Variants in TBC1D22A observed in about 807,000 individuals in gnomAD.
TBC1D22A encodes the protein TBC1 domain family member 22A, also known as putative GTPase activator.
In TBC1D22A, 38 loss-of-function variants were observed where a neutral mutation model predicts 60.2. The ratio of observed to expected loss-of-function variants is 0.63; its 90% CI spans 0.49 to 0.83. The LOEUF (loss-of-function observed/expected upper bound fraction) is 0.83, where lower values mean the gene tolerates loss of function less well. Among genes scored for constraint, TBC1D22A ranks in the 40% least tolerant of loss-of-function variants. TBC1D22A has a pLI of 0.00. For synonymous variants in TBC1D22A, 302 were observed against 281.7 expected, an observed-to-expected ratio of 1.07 and a Z score of -0.72; for missense variants, 628 against 701.0, an observed-to-expected ratio of 0.90 and a Z score of 1.18.
chr22:47,172,055 GCCTA>G (rs2068497217), intron 12 of TBC1D22A, among the ~76,000 whole-genome samples: 2 of 145,086 alleles, frequency 1.4e-5, no homozygotes, highest in East Asian at 6.0e-4. Flanking sequence ...CTCCCAGTGA[GCCTA>G]CCCAGCACTC....
chr22:47,006,158 G>A (rs191830890), intron 10 of TBC1D22A, among the ~76,000 whole-genome samples: 2 of 152,308 alleles, frequency 1.3e-5, no homozygotes, highest in Admixed American at 1.3e-4. Flanking sequence ...TGTTGTTGCT[G>A]GTCGCACATT....
chr22:47,129,543 A>T (rs185063373), intron 12 of TBC1D22A, among the ~76,000 whole-genome samples: 10 of 152,360 alleles, frequency 6.6e-5, no homozygotes, highest in South Asian at 2.1e-4. Context: ...GCACTCACGA[A>T]GTGGGTGGTG....
chr22:46,811,250 G>T (rs2147033769), intron 4 of TBC1D22A, among the ~76,000 whole-genome samples: 1 of 152,364 alleles, frequency 6.6e-6, no homozygotes, highest in East Asian at 1.9e-4. Flanking sequence ...GTAAGGAGCT[G>T]TCAGGGACAG....
rs561304073 is a variant in TBC1D22A at position 46,939,810 on chromosome 22, G to A, written c.1015+27622G>A. 5.1e-4 allele frequency among the ~76,000 whole-genome samples: 78 copies of A among 152,300 alleles called. 3 individuals carry two copies. The highest frequency in any genetic ancestry group is 2.7e-3 in the Admixed American group (41 of 15,294). On this transcript the variant is annotated intron_variant, in intron 8 of 12. Coordinates refer to ENST00000337137, the MANE Select transcript of TBC1D22A (RefSeq NM_014346.5). ...ATTTGACATTTAGAATCACCGTTGC[G>A]TTTCAACAACATCAGTGCAAGAAGA...
chr22:46,898,668 G>A (rs966899465), intron 7 of TBC1D22A, among the ~76,000 whole-genome samples: 2 of 152,120 alleles, frequency 1.3e-5, no homozygotes, highest in African/African-American at 4.8e-5. Context: ...GGTGGGCTGG[G>A]GTGCACCTGT....
chr22:47,136,269 C>A (rs2066868664), intron 12 of TBC1D22A, among the ~76,000 whole-genome samples: 2 of 152,220 alleles, frequency 1.3e-5, no homozygotes, highest in African/African-American at 4.8e-5. Flanking sequence ...TGGCCCCCGC[C>A]CCAGGTCCCC....
chr22:47,018,826 C>T (rs376461160), intron 10 of TBC1D22A, among the ~76,000 whole-genome samples: 2 of 152,256 alleles, frequency 1.3e-5, no homozygotes, highest in South Asian at 2.1e-4. Flanking sequence ...AGTGGAAACA[C>T]GGGATCCTCA....
At chr22:46,894,518 G>C (rs1266518494) in intron 6 of TBC1D22A, among the ~76,000 whole-genome samples, 1 of 152,198 alleles carries the variant, frequency 6.6e-6, no homozygotes, top group Non-Finnish European at 1.5e-5. Flanking sequence ...GGCCTGCTCT[G>C]TTTCTAATCA....
At position 47,105,078 on chromosome 22, in the gene TBC1D22A, C is replaced by T. The variant is rs540158621; in HGVS notation, c.1330-6430C>T. ...ACCTCCTGAGGGCTGTATCATCGGC[C>T]ATGGTCACTCATATTTGGCTCAGAA... On this transcript the variant is annotated intron_variant, in intron 11 of 12. Transcript: ENST00000337137. 1.9e-4 allele frequency among the ~76,000 whole-genome samples: 29 copies of T among 152,150 alleles called. 1 individual carries two copies. Among genetic ancestry groups the T allele is most frequent in the Admixed American group, 1.5e-3 (23 of 15,284 alleles).
intron 5 of TBC1D22A, among the ~76,000 whole-genome samples, chr22:46,880,660 C>T (rs538551139): frequency 4.1e-4 from 62 of 152,030 alleles, no homozygotes; most frequent in Middle Eastern, 3.4e-3. Flanking sequence ...GGACAGGACA[C>T]GAGTATGAAC....
chr22:47,139,512 C>T (rs2067001273), intron 12 of TBC1D22A, among the ~76,000 whole-genome samples: 1 of 152,232 alleles, frequency 6.6e-6, no homozygotes, highest in African/African-American at 2.4e-5. Context: ...CTCCTGCGTT[C>T]CCTCCTGTAC....
intron 11 of TBC1D22A, among the ~76,000 whole-genome samples, chr22:47,082,254 A>G (rs1459707330): frequency 6.6e-6 from 1 of 152,216 alleles, no homozygotes; most frequent in Non-Finnish European, 1.5e-5. Context: ...ACACAAATCA[A>G]TTTATTCTAA....
rs532363455 is a variant in TBC1D22A at position 46,848,025 on chromosome 22, A to T, written c.638-30628A>T. On this transcript the variant is annotated intron_variant, in intron 4 of 12. Transcript: ENST00000337137. ...TGCAAACACTTCTTGAGCAGCAGATATTCTTTCTGGGTGACATTCCTTCTT... is the reference window on the plus strand; with the variant it reads ...TGCAAACACTTCTTGAGCAGCAGATTTTCTTTCTGGGTGACATTCCTTCTT... 3.3e-5 allele frequency among the ~76,000 whole-genome samples: 5 copies of T among 152,312 alleles called. No homozygotes were observed. In the East Asian group the frequency reaches 7.7e-4, roughly 24 times the overall value.
chr22:46,799,740 G>A (rs772374171), intron 4 of TBC1D22A, among the ~76,000 whole-genome samples: 1 of 152,224 alleles, frequency 6.6e-6, no homozygotes, highest in Non-Finnish European at 1.5e-5. Flanking sequence ...CCCTTGGTTT[G>A]TGCTTGTCTG....
intron 12 of TBC1D22A, among the ~76,000 whole-genome samples, chr22:47,126,208 C>T (rs564293404): frequency 6.6e-6 from 1 of 152,206 alleles, no homozygotes; most frequent in Admixed American, 6.5e-5. Context: ...TCTTGAACTC[C>T]TGACCTCAGG....
At chr22:46,962,906 G>A (rs375916676) in intron 8 of TBC1D22A, among the ~76,000 whole-genome samples, 2 of 152,042 alleles carry the variant, frequency 1.3e-5, no homozygotes, top group Non-Finnish European at 1.5e-5. Flanking sequence ...TTTTTGTGAC[G>A]ATGACTTTAA....
chr22:46,984,060 G>T (rs2074618184), intron 9 of TBC1D22A, among the ~76,000 whole-genome samples: 1 of 151,902 alleles, frequency 6.6e-6, no homozygotes, highest in African/African-American at 2.4e-5. Context: ...TTTAAACTTG[G>T]TATCCAGTGA....
At chr22:46,879,664 AT>A (rs569361597) in intron 5 of TBC1D22A, among the ~76,000 whole-genome samples, 4 of 152,182 alleles carry the variant, frequency 2.6e-5, no homozygotes, top group Admixed American at 2.6e-4. Context: ...GTGCTTTTTT[AT>A]TTTAACCTAG....
At chr22:47,082,054 A>G (rs1686563363) in intron 11 of TBC1D22A, among the ~76,000 whole-genome samples, 1 of 152,170 alleles carries the variant, frequency 6.6e-6, no homozygotes, top group African/African-American at 2.4e-5. Flanking sequence ...GCTGCTTGGG[A>G]GGCTGAGGCA....
Sources: gnomAD v4.1 joint callset for allele counts (sites outside exome capture counted in the v4.1 genomes callset) on GRCh38, gnomAD v4.1.1 for gene constraint, MANE v1.5 for transcripts, NCBI Gene and HGNC (gene_info 2026-07-23, HGNC 2026-07-21) for gene names.